C10orf67: variants seen among roughly 807,000 people sequenced by gnomAD.
The protein encoded by C10orf67 is chromosome 10 open reading frame 67, also known as uncharacterized protein C10orf67, mitochondrial.
In C10orf67, 60 loss-of-function variants were observed where a neutral mutation model predicts 35.6. The ratio of observed to expected loss-of-function variants is 1.68; its 90% CI spans 1.37 to 2.09. The LOEUF (loss-of-function observed/expected upper bound fraction) is 2.09. Among genes scored for constraint, C10orf67 ranks in the 30% most tolerant of loss-of-function variants. The probability of loss-of-function intolerance (pLI) is 0.00; values close to 1 mark genes in which losing one functional copy is unlikely to be tolerated. For synonymous variants in C10orf67, 167 were observed against 115.8 expected (o/e 1.44, Z -2.84); for missense variants, 474 against 330.2 (o/e 1.44, Z -3.38).
chr10:23,324,587 C>T (rs150305955), intron 2 of C10orf67, among the ~76,000 whole-genome samples: 2 of 152,194 alleles, frequency 1.3e-5, no homozygotes, highest in African/African-American at 4.8e-5. Flanking sequence ...GAGTCAAGCA[C>T]CAGTCCTTTG....
chr10:23,294,861 T>A (rs563145567), intron 5 of C10orf67, among the ~76,000 whole-genome samples: 1 of 152,314 alleles, frequency 6.6e-6, no homozygotes, highest in East Asian at 1.9e-4. Flanking sequence ...TTGAATCAGA[T>A]GAAATTTCAA....
rs4748861 is a variant in C10orf67 at position 23,323,589 on chromosome 10, C to T, written c.328-1052G>A. Among the ~76,000 whole-genome samples, 8,959 of 151,950 alleles carry T rather than the reference C, an allele frequency of 0.059. 1,183 individuals are homozygous for T. In the East Asian group the frequency reaches 0.6, roughly 10 times the overall value. ...CATTCATGGGAACATAGTCCTACAT[C>T]GCTACAAATACAGCCTCAGAGTAGC... On this transcript the variant is annotated intron_variant, in intron 2 of 15. Transcript: ENST00000636213.
intron 3 of C10orf67, 59 bp downstream of exon 3, chr10:23,322,335 A>G: frequency 6.5e-7 from 1 of 1,535,034 alleles, no homozygotes. Context: ...ACTGCACTGC[A>G]TACACATCTA....
chr10:23,328,685 TAAAA>T (rs57874839), intron 2 of C10orf67, among the ~76,000 whole-genome samples: 13 of 138,112 alleles, frequency 9.4e-5, no homozygotes, highest in African/African-American at 7.9e-5. Context: ...CTCAAGAGAT[TAAAA>T]AAAAAAAAAA....
At chr10:23,219,680 A>G (rs1032094233) in intron 15 of C10orf67, among the ~76,000 whole-genome samples, 5 of 152,214 alleles carry the variant, frequency 3.3e-5, no homozygotes, top group South Asian at 2.1e-4. Context: ...TGTTCTGTTT[A>G]GAATTTTTAG....
intron 15 of C10orf67, among the ~76,000 whole-genome samples, chr10:23,215,928 C>T (rs1485620264): frequency 1.3e-5 from 2 of 152,156 alleles, no homozygotes; most frequent in African/African-American, 4.8e-5. Flanking sequence ...CTTTCAGCGC[C>T]TGCTATAGAA....
intron 3 of C10orf67, among the ~76,000 whole-genome samples, chr10:23,321,393 G>A (rs1196143740): frequency 6.6e-6 from 1 of 152,156 alleles, no homozygotes; most frequent in Non-Finnish European, 1.5e-5. Context: ...AATTTATTTT[G>A]TAGAGATGGG....
At chr10:23,260,931 T>C (rs996234461) in intron 10 of C10orf67, among the ~76,000 whole-genome samples, 1 of 152,234 alleles carries the variant, frequency 6.6e-6, no homozygotes, top group Non-Finnish European at 1.5e-5. Context: ...CTTTATTTAA[T>C]GTAAACCAGA....
chr10:23,342,798 G>T (rs1845955431), intron 1 of C10orf67, among the ~76,000 whole-genome samples: 1 of 152,246 alleles, frequency 6.6e-6, no homozygotes, highest in South Asian at 2.1e-4. Flanking sequence ...GCCCAGCCCA[G>T]GAGCATTGCC....
At chr10:23,274,399 A>T (rs1212742974) in intron 8 of C10orf67, among the ~76,000 whole-genome samples, 1 of 152,126 alleles carries the variant, frequency 6.6e-6, no homozygotes, top group Non-Finnish European at 1.5e-5. Context: ...TCAACAGCAT[A>T]AGACAGACAC....
intron 2 of C10orf67, among the ~76,000 whole-genome samples, chr10:23,326,887 A>G (rs755069794): frequency 4.6e-5 from 7 of 152,188 alleles, no homozygotes; most frequent in Non-Finnish European, 1.0e-4. Context: ...AGAAATTGGT[A>G]AATTTGAGTA....
chr10:23,269,082 A>G (rs1419540527), intron 8 of C10orf67, among the ~76,000 whole-genome samples: 2 of 152,220 alleles, frequency 1.3e-5, no homozygotes. Flanking sequence ...TTTCTAGAAA[A>G]TGTAATAAAT....
intron 10 of C10orf67, among the ~76,000 whole-genome samples, chr10:23,264,200 T>A (rs1023834374): frequency 1.3e-5 from 2 of 152,282 alleles, no homozygotes; most frequent in East Asian, 3.9e-4. Context: ...CTAGAATGTG[T>A]ATATATACGG....
intron 13 of C10orf67, among the ~76,000 whole-genome samples, chr10:23,235,772 G>A (rs1216684090): frequency 1.3e-5 from 2 of 152,162 alleles, no homozygotes; most frequent in African/African-American, 4.8e-5. Context: ...TTAGGGAAAT[G>A]CAAATTAAAA....
intron 10 of C10orf67, among the ~76,000 whole-genome samples, chr10:23,251,706 G>A (rs755032420): frequency 1.1e-4 from 16 of 152,080 alleles, no homozygotes; most frequent in Non-Finnish European, 2.1e-4. Context: ...AACTAGGTTC[G>A]TAATAATGGT....
chr10:23,297,564 C>T (rs1412084234), intron 5 of C10orf67, among the ~76,000 whole-genome samples: 2 of 152,208 alleles, frequency 1.3e-5, no homozygotes, highest in Non-Finnish European at 2.9e-5. Flanking sequence ...TTATCACTGA[C>T]AACTGCATAC....
chr10:23,221,652 T>G (rs10764394), intron 15 of C10orf67, among the ~76,000 whole-genome samples: 21,711 of 152,144 alleles, frequency 0.14, 2,984 homozygotes, highest in East Asian at 0.71. Context: ...AGCTATTTTG[T>G]CCCTTTAAAT....
intron 1 of C10orf67, 44 bp downstream of exon 1, chr10:23,344,525 C>T (rs755209495): frequency 4.6e-6 from 7 of 1,534,284 alleles, no homozygotes; most frequent in Non-Finnish European, 6.2e-6. Context: ...TGCCCCTGGA[C>T]CCTGCTCGCT....
chr10:23,220,941 C>T (rs1217290850), intron 15 of C10orf67, among the ~76,000 whole-genome samples: 3 of 152,100 alleles, frequency 2.0e-5, no homozygotes, highest in Non-Finnish European at 2.9e-5. Flanking sequence ...AATAATGTTC[C>T]TATCCTATTT....
Sources: allele counts gnomAD v4.1 joint callset (sites outside exome capture counted in the v4.1 genomes callset), GRCh38; gene constraint gnomAD v4.1.1; transcripts MANE v1.5; gene names NCBI Gene and HGNC (gene_info 2026-07-23, HGNC 2026-07-21).